RELN: variants seen among roughly 807,000 people sequenced by gnomAD.
RELN encodes reelin.
A neutral mutation model predicts 427.6 loss-of-function variants in RELN; 108 were observed. The ratio of observed to expected loss-of-function variants is 0.25; its 90% CI spans 0.22 to 0.30. The LOEUF (loss-of-function observed/expected upper bound fraction) is 0.30. Ranked by LOEUF, RELN falls within the 10% of genes least tolerant of loss-of-function variation. The pLI is 1.00. For missense variants in RELN, 3,715 were observed against 4,302.8 expected, an observed-to-expected ratio of 0.86 and a Z score of 3.82; for synonymous variants, 1,524 against 1,513.4, an observed-to-expected ratio of 1.01 and a Z score of -0.16.
chr7:103,650,867 C>T (rs577186414), intron 15 of RELN, among the ~76,000 whole-genome samples: 5 of 152,212 alleles, frequency 3.3e-5, no homozygotes, highest in Non-Finnish European at 7.4e-5. Flanking sequence ...TCAAGAAATC[C>T]CCTTACCTTG....
intron 4 of RELN, among the ~76,000 whole-genome samples, chr7:103,770,654 ATT>A (rs796410060): frequency 5.4e-5 from 6 of 110,874 alleles, no homozygotes; most frequent in Non-Finnish European, 7.1e-5. Flanking sequence ...TTTTTTAAAA[ATT>A]TTTTTTTTTA....
At chr7:103,538,869 C>G (rs761589209) in intron 45 of RELN, among the ~76,000 whole-genome samples, 1 of 152,186 alleles carries the variant, frequency 6.6e-6, no homozygotes, top group African/African-American at 2.4e-5. Context: ...AAAAAATAAG[C>G]TCACATTCTA....
intron 4 of RELN, among the ~76,000 whole-genome samples, chr7:103,765,726 T>C (rs1054497856): frequency 3.3e-5 from 5 of 152,188 alleles, no homozygotes; most frequent in Non-Finnish European, 5.9e-5. Flanking sequence ...AAGCAGGTTA[T>C]ATAGCAGCAT....
At chr7:103,963,123 C>A (rs1048237682) in intron 1 of RELN, among the ~76,000 whole-genome samples, 5 of 134,546 alleles carry the variant, frequency 3.7e-5, no homozygotes, top group African/African-American at 1.5e-4. Context: ...TCTCTCTCCT[C>A]TTTTCGCCTT....
At chr7:103,496,427 G>T in intron 56 of RELN, 99 bp downstream of exon 56, 1 of 1,481,040 alleles carries the variant, frequency 6.8e-7, no homozygotes, top group Non-Finnish European at 9.4e-7. Context: ...GTATGGGCTA[G>T]GCACTCTTAT....
rs150528303 is a variant in RELN at position 103,738,471 on chromosome 7, G to A, written c.657-10264C>T. Among the ~76,000 whole-genome samples the A allele has an allele frequency of 2.6e-3, 400 of 151,744 alleles. 1 individual carries two copies. The highest frequency in any genetic ancestry group is 9.3e-3 in the African/African-American group (384 of 41,368). ...TACGCAGATCTCAGGTTCTGAAAAT[G>A]CATCCATCTATGTAACCCACATCCT... On this transcript the variant is annotated intron_variant, in intron 6 of 64. Coordinates refer to ENST00000428762, the MANE Select transcript of RELN (RefSeq NM_005045.4).
chr7:103,900,833 A>G (rs1199363851), intron 2 of RELN, among the ~76,000 whole-genome samples: 1 of 152,140 alleles, frequency 6.6e-6, no homozygotes, highest in Non-Finnish European at 1.5e-5. Context: ...CCTTATATAA[A>G]AATCAACTCA....
At chr7:103,647,750 T>C (rs1325431705) in intron 16 of RELN, among the ~76,000 whole-genome samples, 3 of 151,872 alleles carry the variant, frequency 2.0e-5, no homozygotes, top group African/African-American at 4.8e-5. Flanking sequence ...GCCAAAGCAA[T>C]CCTAAGCAAA....
chr7:103,574,468 CCAT>C (rs1233950553), intron 29 of RELN, among the ~76,000 whole-genome samples, 169 bp from the exon 30 acceptor site: 1 of 152,186 alleles, frequency 6.6e-6, no homozygotes, highest in Admixed American at 6.5e-5. Flanking sequence ...GCCATCACTA[CCAT>C]CATCAAAAAC....
intron 60 of RELN, 61 bp downstream of exon 60, chr7:103,489,681 T>C (rs1168481392): frequency 1.3e-6 from 2 of 1,579,776 alleles, no homozygotes; most frequent in Non-Finnish European, 1.7e-6. Context: ...TTTGTATATA[T>C]GTTAAGATGA....
chr7:103,776,628 C>G lies in RELN; in HGVS notation c.474-1G>C. ...CTGGCCCCGGTGTGTTGCTGTAGCC[C>G]TGGAAACAAATAGGAAAAGGTTAAT... On this transcript the variant is annotated splice_acceptor_variant, in intron 3 of 64. Coordinates refer to ENST00000428762, the MANE Select transcript of RELN (RefSeq NM_005045.4). LOFTEE classifies it high-confidence loss of function. The G allele has an allele frequency of 6.2e-7, 1 of 1,613,870 alleles. No individual in the cohort carries two copies. The highest frequency in any genetic ancestry group is 8.5e-7 in the Non-Finnish European group (1 of 1,179,906).
Position 103,824,676 on chromosome 7 carries a change from T to TGTGTGTGTGTGTGTGTG in RELN, c.473+8860_473+8861insCACACACACACACACAC, listed in dbSNP as rs1793090714. 5.7e-5 allele frequency among the ~76,000 whole-genome samples: 4 copies of TGTGTGTGTGTGTGTGTG among 70,582 alleles called. No homozygotes were observed. The highest frequency in any genetic ancestry group is 1.5e-4 in the Admixed American group (1 of 6,476). The allele number at this position is 70,582 out of a possible 152,430, so 46.3% of individuals were successfully genotyped here. ...TGTGTGTGTGTGTGTGTGTGTGTGT[T>TGTGTGTGTGTGTGTGTG]TGCTTCATTTTAGCTAGAGTTGCTA... On this transcript the variant is annotated intron_variant, in intron 3 of 64. Coordinates refer to ENST00000428762, the MANE Select transcript of RELN (RefSeq NM_005045.4). The surrounding 1 kb of genome is among the most constrained non-coding windows in gnomAD (Gnocchi z 4.4).
At chr7:103,693,161 G>T (rs1833906082) in intron 10 of RELN, among the ~76,000 whole-genome samples, 1 of 152,128 alleles carries the variant, frequency 6.6e-6, no homozygotes, top group African/African-American at 2.4e-5. Flanking sequence ...ATACTATGCA[G>T]CCATATGGAA....
chr7:103,494,534 C>A (rs1828772252), intron 57 of RELN, among the ~76,000 whole-genome samples: 1 of 121,926 alleles, frequency 8.2e-6, no homozygotes, highest in Non-Finnish European at 1.6e-5. Flanking sequence ...GCCACCACGC[C>A]CAGCTAATTT....
At chr7:103,490,209 G>T (rs76613639) in intron 59 of RELN, among the ~76,000 whole-genome samples, 1 of 152,130 alleles carries the variant, frequency 6.6e-6, no homozygotes, top group Non-Finnish European at 1.5e-5. Context: ...TGAGTAAACC[G>T]AATGCTGCTC....
intron 14 of RELN, 141 bp downstream of exon 14, chr7:103,652,410 T>G (rs994238226): frequency 1.2e-5 from 8 of 694,068 alleles, no homozygotes; most frequent in African/African-American, 3.6e-5. Flanking sequence ...AACTTTTCAT[T>G]TGGCAAAAGT....
intron 3 of RELN, among the ~76,000 whole-genome samples, chr7:103,829,274 T>A (rs1328447736): frequency 6.6e-6 from 1 of 151,726 alleles, no homozygotes; most frequent in East Asian, 1.9e-4. Flanking sequence ...GTTTGGAGAT[T>A]GGCTTTCTTT....
chr7:103,832,027 A>G (rs959646446), intron 3 of RELN, among the ~76,000 whole-genome samples: 1 of 152,188 alleles, frequency 6.6e-6, no homozygotes, highest in East Asian at 1.9e-4. Flanking sequence ...ATGGGTTTAA[A>G]TATCAACCAG....
At chr7:103,971,233 C>T (rs563106966) in intron 1 of RELN, among the ~76,000 whole-genome samples, 5 of 150,900 alleles carry the variant, frequency 3.3e-5, no homozygotes, top group African/African-American at 9.7e-5. Flanking sequence ...TTCCAGAGAT[C>T]ATACTATTAC....
Sources: allele counts gnomAD v4.1 joint callset (sites outside exome capture counted in the v4.1 genomes callset), GRCh38; gene constraint gnomAD v4.1.1; non-coding constraint Gnocchi (gnomAD v3.1); transcripts MANE v1.5; gene names NCBI Gene and HGNC (gene_info 2026-07-23, HGNC 2026-07-21).